SLC10A7: variants seen among roughly 807,000 people sequenced by gnomAD.
SLC10A7 encodes the protein sodium/bile acid cotransporter 7.
In SLC10A7, 29 loss-of-function variants were observed where a neutral mutation model predicts 43.2. The ratio of observed to expected loss-of-function variants is 0.67; its 90% confidence interval spans 0.50 to 0.92. The LOEUF is 0.92. Among genes scored for constraint, SLC10A7 ranks in the 40% least tolerant of loss-of-function variants. The pLI, the probability that SLC10A7 is intolerant of heterozygous loss-of-function variation, is 0.00. For synonymous variants in SLC10A7, 152 were observed against 144.8 expected, an observed-to-expected ratio of 1.05 and a Z score of -0.35; for missense variants, 295 against 403.2, an observed-to-expected ratio of 0.73 and a Z score of 2.30.
chr4:146,504,563 A>G (rs1736728417), intron 3 of SLC10A7, among the ~76,000 whole-genome samples: 1 of 151,652 alleles, frequency 6.6e-6, no homozygotes, highest in African/African-American at 2.4e-5. Context: ...ACGGCTAATC[A>G]TTTGGTAAGT....
At chr4:146,427,726 C>T (rs1447660194) in intron 5 of SLC10A7, among the ~76,000 whole-genome samples, 1 of 152,160 alleles carries the variant, frequency 6.6e-6, no homozygotes, top group Non-Finnish European at 1.5e-5. Flanking sequence ...TAGAAATAAT[C>T]TTTCCTATTA....
chr4:146,276,881 G>C (rs943910253), intron 10 of SLC10A7, among the ~76,000 whole-genome samples: 3 of 152,090 alleles, frequency 2.0e-5, no homozygotes, highest in Non-Finnish European at 4.4e-5. Flanking sequence ...TGGAGCCCAG[G>C]AGTTGGAGGC....
chr4:146,436,360 G>T (rs1255913891), intron 5 of SLC10A7, among the ~76,000 whole-genome samples: 1 of 152,036 alleles, frequency 6.6e-6, no homozygotes, highest in Non-Finnish European at 1.5e-5. Flanking sequence ...CTATCAGTGG[G>T]TCTTCTTGAT....
chr4:146,442,202 G>T, intron 5 of SLC10A7: 1 of 964,350 alleles, frequency 1.0e-6, no homozygotes, highest in Non-Finnish European at 1.2e-6. Flanking sequence ...CCTTATATTG[G>T]TTCTACTTAT....
At position 146,289,706 on chromosome 4, in the gene SLC10A7, G is replaced by GTTTT. The variant is rs776153195; in HGVS notation, c.773+3219_773+3222dup. Among the ~76,000 whole-genome samples the GTTTT allele has an allele frequency of 1.3e-3, 113 of 88,084 alleles. 11 individuals are homozygous for GTTTT. The highest frequency in any genetic ancestry group is 7.4e-3 in the Middle Eastern group (1 of 136). The allele number at this position is 88,084 out of a possible 152,430, so 57.8% of individuals were successfully genotyped here. A position where few individuals can be genotyped will look rare whatever the true frequency, so the allele number is the denominator to read the frequency against. The stretch of plus-strand genomic sequence containing the variant: ...GCTAATGCCCCATCTCTGATTATTA[G>GTTTT]TTTTTTTTTTTTTTTTTTTTTTTTT... On this transcript the variant is annotated intron_variant, in intron 9 of 11. Transcript: ENST00000335472.
chr4:146,379,327 C>T lies in SLC10A7; in HGVS notation c.436-53331G>A, dbSNP rs571317373. Among the ~76,000 whole-genome samples the T allele has an allele frequency of 7.9e-5, 12 of 152,256 alleles. No individual in the cohort carries two copies. The South Asian group carries it at 1.2e-3, about 16-fold the overall frequency. On this transcript the variant is annotated intron_variant, in intron 5 of 11. Coordinates refer to ENST00000335472, the MANE Select transcript of SLC10A7 (RefSeq NM_001029998.6). ...AACACATATATACATGTATCTGCAGCCTCTCTTTGTTTAATTGATGAATAC... is the reference window on the plus strand; with the variant it reads ...AACACATATATACATGTATCTGCAGTCTCTCTTTGTTTAATTGATGAATAC...
intron 5 of SLC10A7, among the ~76,000 whole-genome samples, chr4:146,363,544 C>T (rs1339660541): frequency 6.6e-6 from 1 of 152,094 alleles, no homozygotes; most frequent in African/African-American, 2.4e-5. Context: ...TCAACAGCCG[C>T]AGAACATACC....
intron 6 of SLC10A7, among the ~76,000 whole-genome samples, chr4:146,318,193 C>G (rs1168252145): frequency 6.6e-6 from 1 of 151,878 alleles, no homozygotes; most frequent in African/African-American, 2.4e-5. Flanking sequence ...TTTTCTGTAC[C>G]CTTTACAGAA....
At chr4:146,352,456 T>A (rs1480090509) in intron 5 of SLC10A7, among the ~76,000 whole-genome samples, 8 of 137,914 alleles carry the variant, frequency 5.8e-5, no homozygotes, top group Admixed American at 5.2e-4. Flanking sequence ...AACACCCCAC[T>A]GTCAACATTA....
At chr4:146,357,922 G>C (rs1480345095) in intron 5 of SLC10A7, among the ~76,000 whole-genome samples, 2 of 151,930 alleles carry the variant, frequency 1.3e-5, no homozygotes, top group African/African-American at 4.8e-5. Context: ...AAGGACTTGA[G>C]TCATCCTGAC....
chr4:146,259,538 T>C (rs905352093), intron 10 of SLC10A7, among the ~76,000 whole-genome samples: 1 of 152,058 alleles, frequency 6.6e-6, no homozygotes, highest in Non-Finnish European at 1.5e-5. Flanking sequence ...GAGGTGGAGG[T>C]TGCAGTGAGC....
intron 5 of SLC10A7, among the ~76,000 whole-genome samples, chr4:146,349,728 G>A (rs1336346549): frequency 1.3e-5 from 2 of 152,100 alleles, no homozygotes; most frequent in Non-Finnish European, 2.9e-5. Flanking sequence ...TGCAGCTGGA[G>A]GCCATTATCC....
At chr4:146,402,630 G>A (rs185909832) in intron 5 of SLC10A7, among the ~76,000 whole-genome samples, 2 of 152,316 alleles carry the variant, frequency 1.3e-5, no homozygotes, top group East Asian at 3.9e-4. Context: ...GGGAAAAAAG[G>A]GGGCAGGGGG....
chr4:146,380,865 T>C (rs960708276), intron 5 of SLC10A7, among the ~76,000 whole-genome samples: 34 of 152,296 alleles, frequency 2.2e-4, no homozygotes, highest in African/African-American at 7.7e-4. Context: ...ATGTTTATCT[T>C]GATTCCCAGA....
In SLC10A7 at chr4:146,521,613, C is replaced by T. The variant is rs756734603; in HGVS notation, c.100+5G>A. The T allele has an allele frequency of 1.6e-5, 25 of 1,612,310 alleles. No individual in the cohort carries two copies. Among genetic ancestry groups the T allele is most frequent in the Non-Finnish European group, 2.1e-5 (25 of 1,178,556 alleles). On this transcript the variant is annotated splice_donor_5th_base_variant and intron_variant, in intron 1 of 11. Coordinates refer to ENST00000335472, the MANE Select transcript of SLC10A7 (RefSeq NM_001029998.6). The stretch of plus-strand genomic sequence containing the variant: ...CGGTGGAGCCGGCAGAGGTGCAGCA[C>T]TTACCCCCATTCACCCCTATGGACG...
chr4:146,267,721 A>G (rs1434175071), intron 10 of SLC10A7, among the ~76,000 whole-genome samples: 1 of 152,210 alleles, frequency 6.6e-6, no homozygotes, highest in Non-Finnish European at 1.5e-5. Context: ...TCCTTTTCAT[A>G]CAAAGAATCA....
At chr4:146,391,755 G>A (rs1459782304) in intron 5 of SLC10A7, among the ~76,000 whole-genome samples, 1 of 152,128 alleles carries the variant, frequency 6.6e-6, no homozygotes, top group Non-Finnish European at 1.5e-5. Context: ...CCCTCACAAG[G>A]TATACTGCAC....
chr4:146,396,200 T>A (rs1470835622), intron 5 of SLC10A7, among the ~76,000 whole-genome samples: 1 of 152,148 alleles, frequency 6.6e-6, no homozygotes, highest in Non-Finnish European at 1.5e-5. Context: ...GTTCAAGTCT[T>A]TGACTACAAA....
chr4:146,424,203 C>T (rs1729154179), intron 5 of SLC10A7, among the ~76,000 whole-genome samples: 1 of 152,184 alleles, frequency 6.6e-6, no homozygotes, highest in Non-Finnish European at 1.5e-5. Flanking sequence ...AAGCGGGCAA[C>T]ACCACATCTG....
Sources: allele counts gnomAD v4.1 joint callset (sites outside exome capture counted in the v4.1 genomes callset), GRCh38; gene constraint gnomAD v4.1.1; transcripts MANE v1.5; gene names NCBI Gene and HGNC (gene_info 2026-07-23, HGNC 2026-07-21).